Variants in EXOC6B observed in about 807,000 individuals in gnomAD.
EXOC6B encodes SEC15 homolog B.
EXOC6B carries 54 observed loss-of-function variants against 113.5 expected under a neutral mutation model. The ratio of observed to expected loss-of-function variants is 0.48; its 90% CI spans 0.38 to 0.60. The LOEUF (loss-of-function observed/expected upper bound fraction) is 0.60. Ranked by LOEUF, EXOC6B falls within the 20% of genes least tolerant of loss-of-function variation. The pLI, the probability that EXOC6B is intolerant of heterozygous loss-of-function variation, is 0.00. For synonymous variants in EXOC6B, 357 were observed against 339.0 expected (o/e 1.05, Z -0.58); for missense variants, 797 against 977.5 (o/e 0.82, Z 2.46).
intron 18 of EXOC6B, among the ~76,000 whole-genome samples, chr2:72,416,066 G>A (rs1258292048): frequency 6.6e-6 from 1 of 152,180 alleles, no homozygotes; most frequent in African/African-American, 2.4e-5. Context: ...AGCTGAAGAT[G>A]CACCCCTCTT....
chr2:72,390,885 C>A (rs1692333012), intron 18 of EXOC6B, among the ~76,000 whole-genome samples: 1 of 152,186 alleles, frequency 6.6e-6, no homozygotes, highest in Admixed American at 6.5e-5. Context: ...ACCTCATGGA[C>A]TTTTCGCCCT....
chr2:72,492,306 GA>G lies in EXOC6B; in HGVS notation c.1665+11del, dbSNP rs1558726200. On this transcript the variant is annotated intron_variant, in intron 16 of 21. Coordinates refer to ENST00000272427, the MANE Select transcript of EXOC6B (RefSeq NM_015189.3). ...ATACTGGCTCGGCTGCCTTCATTAG[GA>G]GCAGGTTTACCTCAGTAAGCCCAAT... The G allele has an allele frequency of 6.4e-7, 1 of 1,553,048 alleles. No homozygotes were observed. Among genetic ancestry groups the G allele is most frequent in the East Asian group, 2.2e-5 (1 of 44,542 alleles).
chr2:72,605,803 C>T (rs541689860), intron 6 of EXOC6B, among the ~76,000 whole-genome samples: 32 of 152,100 alleles, frequency 2.1e-4, no homozygotes, highest in Admixed American at 5.2e-4. Context: ...TGAAAAGACA[C>T]GTAAAGAAAA....
chr2:72,454,699 G>A (rs1388031295), intron 18 of EXOC6B, among the ~76,000 whole-genome samples: 1 of 152,126 alleles, frequency 6.6e-6, no homozygotes, highest in Non-Finnish European at 1.5e-5. Context: ...AATTACAAGA[G>A]CAGAAGAAGA....
chr2:72,641,369 C>T (rs935729830), intron 6 of EXOC6B, among the ~76,000 whole-genome samples: 4 of 152,224 alleles, frequency 2.6e-5, no homozygotes, highest in Non-Finnish European at 4.4e-5. Context: ...AAATACTGTG[C>T]TTTTCCAACA....
At chr2:72,293,038 G>GA (rs1329373812) in intron 20 of EXOC6B, among the ~76,000 whole-genome samples, 1 of 152,002 alleles carries the variant, frequency 6.6e-6, no homozygotes, top group Non-Finnish European at 1.5e-5. Context: ...ATTTCTCTAG[G>GA]AAAAAATGCC....
At chr2:72,604,087 C>G (rs186062011) in intron 6 of EXOC6B, among the ~76,000 whole-genome samples, 6 of 152,012 alleles carry the variant, frequency 3.9e-5, no homozygotes, top group Non-Finnish European at 8.8e-5. Context: ...ATTTATTAGT[C>G]CCTGGTCATT....
At position 72,490,920 on chromosome 2, in the gene EXOC6B, T is replaced by A. The variant is rs1048873124; in HGVS notation, c.1665+1398A>T. 3.5e-4 allele frequency among the ~76,000 whole-genome samples: 53 copies of A among 152,186 alleles called. 1 individual carries two copies. The highest frequency in any genetic ancestry group is 1.2e-3 in the African/African-American group (51 of 41,464). ...CATGTTCTTGCTATGCTACTTGTTA[T>A]AAAATTGTTAAGAGACTGCTAAATT... On this transcript the variant is annotated intron_variant, in intron 16 of 21. Coordinates refer to ENST00000272427, the MANE Select transcript of EXOC6B (RefSeq NM_015189.3).
intron 8 of EXOC6B, among the ~76,000 whole-genome samples, chr2:72,550,035 A>G (rs1009821979): frequency 7.2e-5 from 11 of 152,312 alleles, no homozygotes; most frequent in African/African-American, 2.6e-4. Flanking sequence ...ATGAAAAGGG[A>G]AGAAGTAGAG....
chr2:72,708,507 A>G (rs1414390524), intron 6 of EXOC6B, among the ~76,000 whole-genome samples: 5 of 152,184 alleles, frequency 3.3e-5, no homozygotes, highest in Non-Finnish European at 5.9e-5. Context: ...CCATTTATAC[A>G]ATATTCTAGA....
At chr2:72,576,108 G>A (rs1032389471) in intron 6 of EXOC6B, among the ~76,000 whole-genome samples, 3 of 152,088 alleles carry the variant, frequency 2.0e-5, no homozygotes, top group African/African-American at 4.8e-5. Flanking sequence ...AGGAAAAAGG[G>A]TGGGGGCTTA....
chr2:72,409,879 A>G (rs921872723), intron 18 of EXOC6B, among the ~76,000 whole-genome samples: 1 of 152,106 alleles, frequency 6.6e-6, no homozygotes, highest in Non-Finnish European at 1.5e-5. Context: ...AAATATATAT[A>G]TATGTATACC....
chr2:72,534,801 A>G lies in EXOC6B; in HGVS notation c.916-19675T>C, dbSNP rs1219431888. 3.3e-5 allele frequency among the ~76,000 whole-genome samples: 5 copies of G among 152,132 alleles called. 1 individual carries two copies. Among genetic ancestry groups the G allele is most frequent in the African/African-American group, 7.2e-5 (3 of 41,434 alleles). The stretch of plus-strand genomic sequence containing the variant: ...CTGAGAACAATGCAATTGTTTTCTG[A>G]TATTATCTCATGTTATTTCTACTAT... On this transcript the variant is annotated intron_variant, in intron 8 of 21. Coordinates refer to ENST00000272427, the MANE Select transcript of EXOC6B (RefSeq NM_015189.3).
At chr2:72,219,208 A>T (rs894825678) in intron 20 of EXOC6B, among the ~76,000 whole-genome samples, 2 of 152,084 alleles carry the variant, frequency 1.3e-5, no homozygotes, top group African/African-American at 4.8e-5. Context: ...GCCATGTGTG[A>T]ACACTGATAA....
intron 20 of EXOC6B, among the ~76,000 whole-genome samples, chr2:72,197,098 G>A (rs193288072): frequency 1.3e-5 from 2 of 152,226 alleles, no homozygotes; most frequent in Non-Finnish European, 2.9e-5. Context: ...TAGCTGAGAT[G>A]TATTCAAAGG....
intron 20 of EXOC6B, among the ~76,000 whole-genome samples, chr2:72,229,578 CATCCCATAAAAGGATGAAGAGAGAGACA>C (rs1438283608): frequency 1.3e-5 from 2 of 152,112 alleles, no homozygotes; most frequent in East Asian, 3.9e-4. Flanking sequence ...GGCTCTAGAG[CATCCCATAAAAGGATGAAGAGAGAGACA>C]ATCCACAAAT....
chr2:72,587,445 T>C (rs924497305), intron 6 of EXOC6B, among the ~76,000 whole-genome samples: 1 of 151,688 alleles, frequency 6.6e-6, no homozygotes, highest in African/African-American at 2.4e-5. Context: ...AAGAAAAGGG[T>C]TGAAAAATTA....
chr2:72,357,934 C>T (rs1349732258), intron 19 of EXOC6B, among the ~76,000 whole-genome samples: 1 of 152,016 alleles, frequency 6.6e-6, no homozygotes, highest in African/African-American at 2.4e-5. Flanking sequence ...GATGTTCACA[C>T]AACAATGAAA....
chr2:72,507,818 C>T (rs1012893536), intron 11 of EXOC6B, among the ~76,000 whole-genome samples: 2 of 151,928 alleles, frequency 1.3e-5, no homozygotes, highest in Admixed American at 1.3e-4. Flanking sequence ...AATCAGCACA[C>T]TTGAAAAGTG....
Sources: gnomAD v4.1 joint callset for allele counts (sites outside exome capture counted in the v4.1 genomes callset) on GRCh38, gnomAD v4.1.1 for gene constraint, MANE v1.5 for transcripts, NCBI Gene and HGNC (gene_info 2026-07-23, HGNC 2026-07-21) for gene names.